HYDIN: variants seen among roughly 807,000 people sequenced by gnomAD.
The protein encoded by HYDIN is HYDIN axonemal central pair apparatus protein.
Under a neutral mutation model 403.9 loss-of-function variants are expected in HYDIN, and 132 were observed. The ratio of observed to expected loss-of-function variants is 0.33; its 90% confidence interval spans 0.28 to 0.38. The LOEUF (loss-of-function observed/expected upper bound fraction) is 0.38, where lower values mean the gene tolerates loss of function less well. Ranked by LOEUF, HYDIN falls within the 10% of genes least tolerant of loss-of-function variation. HYDIN has a pLI of 1.00. For missense variants in HYDIN, 2,827 were observed against 5,009.5 expected, an observed-to-expected ratio of 0.56 and a Z score of 13.15; for synonymous variants, 1,202 against 1,891.7, an observed-to-expected ratio of 0.64 and a Z score of 9.46.
intron 1 of HYDIN, among the ~76,000 whole-genome samples, chr16:71,217,714 C>T (rs2088964450): frequency 6.6e-6 from 1 of 152,150 alleles, no homozygotes; most frequent in Non-Finnish European, 1.5e-5. Flanking sequence ...AAAGCCTGTA[C>T]CTAAAATCAT....
At chr16:71,192,217 T>C (rs1390189416) in intron 1 of HYDIN, among the ~76,000 whole-genome samples, 2 of 152,130 alleles carry the variant, frequency 1.3e-5, no homozygotes, top group Admixed American at 1.3e-4. Flanking sequence ...CTCTACCTCC[T>C]TAGTATCTCA....
chr16:71,021,763 TTTTCA>T (rs1397765260), intron 21 of HYDIN, among the ~76,000 whole-genome samples: 3 of 152,188 alleles, frequency 2.0e-5, no homozygotes, highest in Non-Finnish European at 4.4e-5. Context: ...GGCCTCCTTG[TTTTCA>T]TTTGCCTTTT....
chr16:71,176,616 T>G (rs557094897), intron 4 of HYDIN, among the ~76,000 whole-genome samples: 1 of 152,262 alleles, frequency 6.6e-6, no homozygotes, highest in Non-Finnish European at 1.5e-5. Context: ...CTCCATGGGA[T>G]GGTCCTGAGT....
At chr16:70,956,099 T>G (rs2078227152) in intron 39 of HYDIN, among the ~76,000 whole-genome samples, 1 of 152,180 alleles carries the variant, frequency 6.6e-6, no homozygotes, top group African/African-American at 2.4e-5. Flanking sequence ...GGATTACAGG[T>G]GTCAGCCACT....
At chr16:71,071,016 T>C (rs1898082138) in intron 13 of HYDIN, among the ~76,000 whole-genome samples, 1 of 152,018 alleles carries the variant, frequency 6.6e-6, no homozygotes, top group South Asian at 2.1e-4. Context: ...AGGAACTGCT[T>C]GGAAGGCAGC....
At chr16:71,194,751 T>C (rs2144688630) in intron 1 of HYDIN, among the ~76,000 whole-genome samples, 1 of 152,364 alleles carries the variant, frequency 6.6e-6, no homozygotes, top group Non-Finnish European at 1.5e-5. Context: ...CTCATGAGAT[T>C]GTAGTCAAAG....
At chr16:71,023,756 CT>C (rs1319092453) in intron 21 of HYDIN, among the ~76,000 whole-genome samples, 3 of 143,236 alleles carry the variant, frequency 2.1e-5, no homozygotes, top group African/African-American at 7.9e-5. Context: ...ACCACAAGCT[CT>C]TTTTTTCATC....
chr16:71,074,931 A>G (rs1254366069), intron 13 of HYDIN, among the ~76,000 whole-genome samples: 2 of 147,660 alleles, frequency 1.4e-5, no homozygotes, highest in Non-Finnish European at 3.0e-5. Flanking sequence ...AGACTCCAGA[A>G]GCAAAGCAAA....
intron 45 of HYDIN, among the ~76,000 whole-genome samples, chr16:70,924,818 CG>C (rs1176399878): frequency 2.3e-5 from 2 of 87,734 alleles, no homozygotes; most frequent in Non-Finnish European, 2.3e-5. Flanking sequence ...GGGGGCAGGA[CG>C]AGGGAGAGCA....
chr16:70,846,027 G>A lies in HYDIN; in HGVS notation c.12873+3699C>T, dbSNP rs201202676. On this transcript the variant is annotated intron_variant, in intron 75 of 85. Transcript: ENST00000393567. ...TCATTAATTTTTTGAAGGGTTTTTT[G>A]TGTCTCTATTTCCTTCAGTTCTGCT... Among the ~76,000 whole-genome samples the A allele has an allele frequency of 1.1e-3, 169 of 150,394 alleles. 1 individual carries two copies. In the East Asian group the frequency reaches 0.027, roughly 24 times the overall value.
intron 70 of HYDIN, among the ~76,000 whole-genome samples, 155 bp downstream of exon 70, chr16:70,860,534 C>T (rs1394575): frequency 0.019 from 1,884 of 97,072 alleles, no homozygotes; most frequent in African/African-American, 0.045. Flanking sequence ...GCTTTCTTAA[C>T]GTAACAGTTC....
chr16:70,994,381 T>C (rs2079461541), intron 23 of HYDIN, among the ~76,000 whole-genome samples: 1 of 152,002 alleles, frequency 6.6e-6, no homozygotes, highest in Non-Finnish European at 1.5e-5. Flanking sequence ...CTGCACCTTG[T>C]CTGTCAACCT....
Position 71,178,911 on chromosome 16 carries a change from C to T in HYDIN, c.381+17G>A. 6.2e-7 allele frequency: 1 copy of T among 1,604,100 alleles called. No homozygotes were observed. Among genetic ancestry groups the T allele is most frequent in the Non-Finnish European group, 8.5e-7 (1 of 1,174,364 alleles). ...TATATCCTGGAACAGTTCACCCACCCCAGTGAACATACTCACTTTGTCATT... is the reference window on the plus strand; with the variant it reads ...TATATCCTGGAACAGTTCACCCACCTCAGTGAACATACTCACTTTGTCATT... On this transcript the variant is annotated intron_variant, in intron 4 of 85. Transcript: ENST00000393567.
chr16:70,932,023 A>G (rs2077354953), intron 45 of HYDIN, among the ~76,000 whole-genome samples: 1 of 148,956 alleles, frequency 6.7e-6, no homozygotes, highest in African/African-American at 2.5e-5. Flanking sequence ...AAAAAAAAAA[A>G]AAAAAAAAAA....
chr16:71,220,695 C>T (rs1017240229), intron 1 of HYDIN, among the ~76,000 whole-genome samples: 2 of 152,140 alleles, frequency 1.3e-5, no homozygotes, highest in East Asian at 1.9e-4. Context: ...GAATAGTTAC[C>T]TCTGGGGAAC....
At chr16:70,971,820 TCATTC>T (rs1345520110) in intron 35 of HYDIN, among the ~76,000 whole-genome samples, 2 of 151,310 alleles carry the variant, frequency 1.3e-5, no homozygotes, top group Admixed American at 6.6e-5. Context: ...CTAAAACATT[TCATTC>T]ATTTTCTTGA....
chr16:71,103,044 GTGTTTTAAAA>G (rs1456477378), intron 10 of HYDIN, among the ~76,000 whole-genome samples: 2 of 146,198 alleles, frequency 1.4e-5, no homozygotes, highest in African/African-American at 5.2e-5. Context: ...TGTTATATAG[GTGTTTTAAAA>G]TGTTTTAGAA....
intron 10 of HYDIN, 136 bp from the exon 11 acceptor site, chr16:71,094,071 T>G: frequency 1.6e-6 from 1 of 610,408 alleles, no homozygotes; most frequent in Non-Finnish European, 2.6e-6. Context: ...GAACTGCAAT[T>G]TAACTAACGC....
At chr16:70,984,533 A>T (rs2079132618) in intron 28 of HYDIN, among the ~76,000 whole-genome samples, 1 of 151,044 alleles carries the variant, frequency 6.6e-6, no homozygotes, top group African/African-American at 2.5e-5. Flanking sequence ...GTAGGGACAA[A>T]CAGAGCAATG....
Sources: gnomAD v4.1 joint callset for allele counts (sites outside exome capture counted in the v4.1 genomes callset) on GRCh38, gnomAD v4.1.1 for gene constraint, MANE v1.5 for transcripts, NCBI Gene and HGNC (gene_info 2026-07-23, HGNC 2026-07-21) for gene names.